The following PKD1L1 variants were observed in gnomAD, a reference collection of about 807,000 sequenced individuals.
PKD1L1 encodes the protein polycystin-1-like protein 1.
PKD1L1 carries 236 observed loss-of-function variants against 323.4 expected under a neutral mutation model. The ratio of observed to expected loss-of-function variants is 0.73; its 90% confidence interval spans 0.66 to 0.81. The LOEUF is 0.81. Among genes scored for constraint, PKD1L1 ranks in the 40% least tolerant of loss-of-function variants. PKD1L1 has a pLI of 0.00. For missense variants in PKD1L1, 3,320 were observed against 3,508.0 expected, an observed-to-expected ratio of 0.95 and a Z score of 1.35; for synonymous variants, 1,344 against 1,335.0, an observed-to-expected ratio of 1.01 and a Z score of -0.15.
Position 47,873,880 on chromosome 7 carries a change from G to A in PKD1L1, c.3896+19C>T, listed in dbSNP as rs1562967605. On this transcript the variant is annotated intron_variant, in intron 24 of 56. Transcript: ENST00000289672. The stretch of plus-strand genomic sequence containing the variant: ...TACAAATAATGGCTAGGATGTCTGT[G>A]TGGCATTGTGTTACTCACAGGTCCT... 1.9e-6 allele frequency: 3 copies of A among 1,571,072 alleles called. No individual in the cohort carries two copies.
chr7:47,829,947 G>T, intron 43 of PKD1L1, 93 bp downstream of exon 43: 2 of 1,227,244 alleles, frequency 1.6e-6, no homozygotes, highest in Non-Finnish European at 2.4e-6. Context: ...ATAAAGAAAA[G>T]TCATACACAA....
chr7:47,852,630 C>A (rs1259587522), intron 31 of PKD1L1, among the ~76,000 whole-genome samples: 1 of 152,128 alleles, frequency 6.6e-6, no homozygotes, highest in African/African-American at 2.4e-5. Flanking sequence ...GAATCCTAAG[C>A]CACCAGGGGC....
intron 21 of PKD1L1, 74 bp downstream of exon 21, chr7:47,880,654 T>A (rs1387981493): frequency 1.5e-5 from 18 of 1,229,526 alleles, no homozygotes; most frequent in Non-Finnish European, 2.0e-5. Flanking sequence ...CCCCATTCCT[T>A]AGGAAGAGTA....
chr7:47,871,853 T>C (rs1177070109), intron 24 of PKD1L1, among the ~76,000 whole-genome samples: 2 of 152,104 alleles, frequency 1.3e-5, no homozygotes. Context: ...GCTTCCTCCT[T>C]AAAACTGAGA....
intron 26 of PKD1L1, 105 bp from the exon 27 acceptor site, chr7:47,858,990 C>G: frequency 1.4e-6 from 2 of 1,417,588 alleles, no homozygotes; most frequent in South Asian, 2.5e-5. Flanking sequence ...GCTGCATGAA[C>G]AGAAAAGATG....
At chr7:47,883,837 A>T (rs985738872) in intron 19 of PKD1L1, among the ~76,000 whole-genome samples, 1 of 152,226 alleles carries the variant, frequency 6.6e-6, no homozygotes, top group Non-Finnish European at 1.5e-5. Flanking sequence ...CAAATAAGTC[A>T]TTTACCTACT....
At chr7:47,886,628 T>C (rs1301260658) in intron 17 of PKD1L1, among the ~76,000 whole-genome samples, 1 of 152,130 alleles carries the variant, frequency 6.6e-6, no homozygotes, top group East Asian at 1.9e-4. Context: ...TAAAGGAGCG[T>C]GGCAACTGCC....
chr7:47,791,607 A>T (rs1214829165), intron 56 of PKD1L1, among the ~76,000 whole-genome samples: 1 of 152,130 alleles, frequency 6.6e-6, no homozygotes, highest in African/African-American at 2.4e-5. Context: ...CCTGAAGCAG[A>T]TTTGCATAGA....
At chr7:47,889,334 T>C (rs75767355) in intron 16 of PKD1L1, among the ~76,000 whole-genome samples, 8,015 of 152,288 alleles carry the variant, frequency 0.053, 543 homozygotes, top group African/African-American at 0.16. Flanking sequence ...TAGTACATTA[T>C]ATTTTTGGAA....
intron 56 of PKD1L1, among the ~76,000 whole-genome samples, chr7:47,784,452 C>A (rs576342344): frequency 6.6e-6 from 1 of 152,072 alleles, no homozygotes; most frequent in Non-Finnish European, 1.5e-5. Context: ...ATTTTGTCAT[C>A]TCTTTACTTG....
chr7:47,803,790 T>C (rs1354742246), intron 52 of PKD1L1, among the ~76,000 whole-genome samples: 1 of 152,194 alleles, frequency 6.6e-6, no homozygotes, highest in African/African-American at 2.4e-5. Flanking sequence ...ACTTTCCAAG[T>C]AGGTTTTTAA....
chr7:47,840,952 G>A lies in PKD1L1; in HGVS notation c.5446-385C>T, dbSNP rs527239069. ...CCAGAGGAGCCTGGACGCAGAGTAG[G>A]GTACCCATGCACCTGTGGGCACACC... On this transcript the variant is annotated intron_variant, in intron 34 of 56. Coordinates refer to ENST00000289672, the MANE Select transcript of PKD1L1 (RefSeq NM_138295.5). The surrounding 1 kb of genome is among the most constrained non-coding windows in gnomAD (Gnocchi z 4.1). Among the ~76,000 whole-genome samples the A allele has an allele frequency of 6.6e-6, 1 of 152,276 alleles. No homozygotes were observed. Among genetic ancestry groups the A allele is most frequent in the East Asian group, 1.9e-4 (1 of 5,178 alleles).
intron 14 of PKD1L1, among the ~76,000 whole-genome samples, chr7:47,895,359 T>A (rs1324081608): frequency 6.6e-6 from 1 of 152,246 alleles, no homozygotes; most frequent in East Asian, 1.9e-4. Flanking sequence ...GCTGGACACA[T>A]CTTCTATGGC....
At position 47,812,069 on chromosome 7, in the gene PKD1L1, C is replaced by T. The variant is rs1270358911; in HGVS notation, c.7347-18G>A. 5 of 1,549,160 alleles carry T rather than the reference C, an allele frequency of 3.2e-6. No homozygotes were observed. The African/African-American group carries it at 4.1e-5, about 13-fold the overall frequency. On this transcript the variant is annotated intron_variant, in intron 49 of 56. Transcript: ENST00000289672. ...CTTCAGTCCTGTAAAACAGCACACACTGGGGTAGGGCAGGGCAGGGAGAAA... is the reference window on the plus strand; with the variant it reads ...CTTCAGTCCTGTAAAACAGCACACATTGGGGTAGGGCAGGGCAGGGAGAAA...
chr7:47,957,246 G>A, the PKD1L1 span: 1 of 158,028 alleles, frequency 6.3e-6, no homozygotes, highest in African/African-American at 2.4e-5. Flanking sequence ...AAGGAAAAGA[G>A]TTCATCAACA....
intron 56 of PKD1L1, among the ~76,000 whole-genome samples, chr7:47,788,561 T>TTATATATATATA (rs143159052): frequency 6.8e-5 from 9 of 133,170 alleles, no homozygotes; most frequent in South Asian, 5.0e-4. Context: ...CCCAGCCCAG[T>TTATATATATATA]TATATATATA....
chr7:47,893,372 T>A (rs1786865454), intron 15 of PKD1L1, among the ~76,000 whole-genome samples: 1 of 151,766 alleles, frequency 6.6e-6, no homozygotes, highest in Non-Finnish European at 1.5e-5. Context: ...ACGCCGGGAC[T>A]CACAGCCCAG....
At chr7:47,891,153 T>C (rs1035706652) in intron 15 of PKD1L1, among the ~76,000 whole-genome samples, 3 of 152,174 alleles carry the variant, frequency 2.0e-5, no homozygotes, top group Non-Finnish European at 2.9e-5. Flanking sequence ...GACAGCTCCA[T>C]GTGACAGACA....
chr7:47,847,088 T>G lies in PKD1L1; in HGVS notation c.4961-17A>C. On this transcript the variant is annotated splice_polypyrimidine_tract_variant and intron_variant, in intron 31 of 56. Coordinates refer to ENST00000289672, the MANE Select transcript of PKD1L1 (RefSeq NM_138295.5). The stretch of plus-strand genomic sequence containing the variant: ...CACTGGCATCTAAAAAGAGAAAACA[T>G]AAATAAAAAGTACAACCTGAGGTTT... 1 of 1,548,954 alleles carries G rather than the reference T, an allele frequency of 6.5e-7. No individual in the cohort carries two copies. Among genetic ancestry groups the G allele is most frequent in the Admixed American group, 2.1e-5 (1 of 47,560 alleles).
Sources: allele counts gnomAD v4.1 joint callset (sites outside exome capture counted in the v4.1 genomes callset), GRCh38; gene constraint gnomAD v4.1.1; non-coding constraint Gnocchi (gnomAD v3.1); transcripts MANE v1.5; gene names NCBI Gene and HGNC (gene_info 2026-07-23, HGNC 2026-07-21).